Variants in DSCAML1 observed in about 807,000 individuals in gnomAD.
The protein encoded by DSCAML1 is cell adhesion molecule DSCAML1.
DSCAML1 carries 38 observed loss-of-function variants against 200.5 expected under a neutral mutation model. The ratio of observed to expected loss-of-function variants is 0.19; its 90% confidence interval spans 0.15 to 0.25. The LOEUF is 0.25. Among genes scored for constraint, DSCAML1 ranks in the 10% least tolerant of loss-of-function variants. The probability of loss-of-function intolerance (pLI) is 1.00; values close to 1 mark genes in which losing one functional copy is unlikely to be tolerated. For missense variants in DSCAML1, 2,223 were observed against 2,858.8 expected (o/e 0.78, Z 5.07); for synonymous variants, 1,215 against 1,165.0 (o/e 1.04, Z -0.87).
intron 3 of DSCAML1, among the ~76,000 whole-genome samples, chr11:117,655,335 A>G (rs567048598): frequency 6.6e-6 from 1 of 152,368 alleles, no homozygotes; most frequent in East Asian, 1.9e-4. Flanking sequence ...TCACAATAAA[A>G]GCAACAATAA....
intron 3 of DSCAML1, among the ~76,000 whole-genome samples, chr11:117,664,696 A>G (rs565180991): frequency 9.3e-4 from 141 of 152,344 alleles, no homozygotes; most frequent in Non-Finnish European, 2.9e-4. Flanking sequence ...ATGAGTATTC[A>G]TGGATTTTTG....
intron 21 of DSCAML1, among the ~76,000 whole-genome samples, chr11:117,440,242 A>G (rs1197116701): frequency 6.6e-6 from 1 of 152,190 alleles, no homozygotes; most frequent in Non-Finnish European, 1.5e-5. Context: ...ACTTAAGGAA[A>G]AATTATAACG....
rs2049769357 is a variant in DSCAML1, at chr11:117,516,440, G to A, written c.1783+27C>T. On this transcript the variant is annotated intron_variant, in intron 8 of 32. Coordinates refer to ENST00000651296, the MANE Select transcript of DSCAML1 (RefSeq NM_020693.4). This position sits in a 1 kb window ranked among gnomAD's most constrained non-coding sequence, Gnocchi z 5.7. ...GCATCCTGGGTGGTCAGGCGGGCAG[G>A]GGCCCTGGCTGGTGAGGGAGGCCTA... 6.2e-7 allele frequency: 1 copy of A among 1,600,042 alleles called. No individual in the cohort carries two copies.
chr11:117,652,974 G>A (rs1157224742), intron 3 of DSCAML1, among the ~76,000 whole-genome samples: 1 of 152,128 alleles, frequency 6.6e-6, no homozygotes, highest in African/African-American at 2.4e-5. Flanking sequence ...GCTATTCCTA[G>A]GTTTTCTTAG....
At chr11:117,450,170 C>G (rs2048258207) in intron 20 of DSCAML1, among the ~76,000 whole-genome samples, 1 of 152,246 alleles carries the variant, frequency 6.6e-6, no homozygotes. Flanking sequence ...CAAGCCCAGA[C>G]CAACCATGTT....
At chr11:117,660,340 T>C (rs955771912) in intron 3 of DSCAML1, among the ~76,000 whole-genome samples, 1 of 152,222 alleles carries the variant, frequency 6.6e-6, no homozygotes, top group African/African-American at 2.4e-5. Context: ...CAGACCTAAA[T>C]TGAGGGCTTG....
intron 1 of DSCAML1, among the ~76,000 whole-genome samples, chr11:117,782,828 A>C (rs951425940): frequency 2.0e-5 from 3 of 152,146 alleles, no homozygotes; most frequent in African/African-American, 7.2e-5. Context: ...AGACAACACT[A>C]AGAGACAGGT....
At chr11:117,684,435 T>TAAA (rs149958154) in intron 3 of DSCAML1, among the ~76,000 whole-genome samples, 20 of 74,610 alleles carry the variant, frequency 2.7e-4, no homozygotes, top group South Asian at 6.7e-4. Flanking sequence ...TTTCATTAAC[T>TAAA]AAAAAAAAAA....
upstream of DSCAML1, among the ~76,000 whole-genome samples, chr11:117,799,678 T>C (rs914309038): frequency 6.6e-6 from 1 of 152,158 alleles, no homozygotes; most frequent in Non-Finnish European, 1.5e-5. Context: ...CAGCAGGAGA[T>C]GAGTCCTCAG....
intron 3 of DSCAML1, among the ~76,000 whole-genome samples, chr11:117,580,251 G>T (rs962603404): frequency 6.6e-6 from 1 of 152,210 alleles, no homozygotes; most frequent in Admixed American, 6.5e-5. Flanking sequence ...TGCCTCCAAA[G>T]ACCCTTTCAT....
chr11:117,565,748 G>A (rs751202283), intron 3 of DSCAML1, among the ~76,000 whole-genome samples: 3 of 152,182 alleles, frequency 2.0e-5, no homozygotes, highest in Non-Finnish European at 4.4e-5. Context: ...GCTACAGGCT[G>A]TTTGTGTCTC....
Position 117,493,321 on chromosome 11 carries a change from C to CTT in DSCAML1, c.2359+10522_2359+10523dup, listed in dbSNP as rs35975602. ...TTTTCCCCCTGCCTCTGGTCCTCTT[C>CTT]TTTTTTTTTTTTTTGAGACAGAGTC... is the stretch of plus-strand genomic sequence containing the variant. On this transcript the variant is annotated intron_variant, in intron 11 of 32. Coordinates refer to ENST00000651296, the MANE Select transcript of DSCAML1 (RefSeq NM_020693.4). Among the ~76,000 whole-genome samples, 549 of 142,036 alleles carry CTT rather than the reference C, an allele frequency of 3.9e-3. 4 individuals carry two copies. The highest frequency in any genetic ancestry group is 1.0e-2 in the African/African-American group (384 of 38,482). The allele number at this position is 142,036 out of a possible 152,430, so 93.2% of individuals were successfully genotyped here.
In DSCAML1 at chr11:117,503,394, G is replaced by A. The variant is rs1401122730; in HGVS notation, c.2359+451C>T. Reference sequence around the variant, plus strand: ...GTCACTCAGCTCATCAGGCTGATCTGGAATTGGAACCCAGGTTTTCTGACC... The same window carrying A: ...GTCACTCAGCTCATCAGGCTGATCTAGAATTGGAACCCAGGTTTTCTGACC... On this transcript the variant is annotated intron_variant, in intron 11 of 32. Coordinates refer to ENST00000651296, the MANE Select transcript of DSCAML1 (RefSeq NM_020693.4). This position sits in a 1 kb window ranked among gnomAD's most constrained non-coding sequence, Gnocchi z 5.2. 2.6e-5 allele frequency among the ~76,000 whole-genome samples: 4 copies of A among 152,162 alleles called. No individual in the cohort carries two copies. Among genetic ancestry groups the A allele is most frequent in the Non-Finnish European group, 5.9e-5 (4 of 68,030 alleles).
At chr11:117,603,562 C>T (rs1171123225) in intron 3 of DSCAML1, among the ~76,000 whole-genome samples, 1 of 152,206 alleles carries the variant, frequency 6.6e-6, no homozygotes, top group Non-Finnish European at 1.5e-5. Flanking sequence ...GCCTGACACA[C>T]AGCAAACACT....
At chr11:117,721,945 CAT>C (rs1224045313) in intron 3 of DSCAML1, among the ~76,000 whole-genome samples, 3 of 151,818 alleles carry the variant, frequency 2.0e-5, no homozygotes, top group Non-Finnish European at 4.4e-5. Context: ...AAATGTAAGT[CAT>C]TTGTTCTTTA....
chr11:117,456,406 T>C (rs1393454844), intron 19 of DSCAML1, among the ~76,000 whole-genome samples: 1 of 152,212 alleles, frequency 6.6e-6, no homozygotes, highest in East Asian at 1.9e-4. Flanking sequence ...CACAAGTAGT[T>C]TGATGGAAAG....
chr11:117,512,260 G>A (rs2049637265), intron 8 of DSCAML1, among the ~76,000 whole-genome samples: 1 of 152,212 alleles, frequency 6.6e-6, no homozygotes, highest in Admixed American at 6.5e-5. Flanking sequence ...AGTGGGGTCT[G>A]GAGAGCTGCC....
intron 3 of DSCAML1, among the ~76,000 whole-genome samples, chr11:117,576,939 C>T (rs899490273): frequency 6.6e-5 from 10 of 152,200 alleles, no homozygotes; most frequent in African/African-American, 2.2e-4. Flanking sequence ...CTTACGAGGG[C>T]GTCCACTTTT....
intron 3 of DSCAML1, among the ~76,000 whole-genome samples, chr11:117,630,704 G>C (rs1052287192): frequency 1.4e-5 from 2 of 144,008 alleles, no homozygotes; most frequent in Non-Finnish European, 3.0e-5. Context: ...GGTGGTAGAA[G>C]GCAGGGCCGG....
Sources: gnomAD v4.1 joint callset for allele counts (sites outside exome capture counted in the v4.1 genomes callset) on GRCh38, gnomAD v4.1.1 for gene constraint, Gnocchi (gnomAD v3.1) non-coding constraint, MANE v1.5 for transcripts, NCBI Gene and HGNC (gene_info 2026-07-23, HGNC 2026-07-21) for gene names.